The following GALNT14 variants were observed in gnomAD, a reference collection of about 807,000 sequenced individuals.
GALNT14 encodes the protein polypeptide N-acetylgalactosaminyltransferase 14.
GALNT14 carries 60 observed loss-of-function variants against 77.5 expected under a neutral mutation model. The ratio of observed to expected loss-of-function variants is 0.77; its 90% confidence interval spans 0.63 to 0.96. The LOEUF (loss-of-function observed/expected upper bound fraction) is 0.96. Ranked by LOEUF, GALNT14 falls within the 40% of genes least tolerant of loss-of-function variation. GALNT14 has a pLI of 0.00. For synonymous variants in GALNT14, 280 were observed against 281.7 expected (o/e 0.99, Z 0.06); for missense variants, 710 against 731.0 (o/e 0.97, Z 0.33).
In GALNT14 at chr2:31,084,685, C is replaced by T. The variant is rs1009250841; in HGVS notation, c.129+53273G>A. ...TCATTTAACCTCCCTGAACCTCAGTCGCTTCATCTAACCTGGCTCACCCAC... is the reference window on the plus strand; with the variant it reads ...TCATTTAACCTCCCTGAACCTCAGTTGCTTCATCTAACCTGGCTCACCCAC... On this transcript the variant is annotated intron_variant, in intron 1 of 14. Coordinates refer to ENST00000349752, the MANE Select transcript of GALNT14 (RefSeq NM_024572.4). Among the ~76,000 whole-genome samples the T allele has an allele frequency of 3.3e-5, 5 of 152,148 alleles. 1 individual carries two copies. The highest frequency in any genetic ancestry group is 1.2e-4 in the African/African-American group (5 of 41,426).
At chr2:30,926,406 C>T (rs1042638229) in intron 11 of GALNT14, among the ~76,000 whole-genome samples, 3 of 152,054 alleles carry the variant, frequency 2.0e-5, no homozygotes, top group South Asian at 2.1e-4. Context: ...TAGGAGCGAA[C>T]GTCATGAGTT....
At chr2:31,084,871 A>G (rs1225207250) in intron 1 of GALNT14, among the ~76,000 whole-genome samples, 1 of 152,106 alleles carries the variant, frequency 6.6e-6, no homozygotes, top group East Asian at 1.9e-4. Flanking sequence ...CTAAAAATAC[A>G]AAAATTAACC....
At chr2:31,087,355 T>C (rs1676481533) in intron 1 of GALNT14, among the ~76,000 whole-genome samples, 1 of 152,132 alleles carries the variant, frequency 6.6e-6, no homozygotes, top group Admixed American at 6.5e-5. Flanking sequence ...AAGAGGAGGC[T>C]AAAATTCAGA....
the GALNT14 span, among the ~76,000 whole-genome samples, chr2:30,889,679 G>A: frequency 0.62 from 94,424 of 151,932 alleles, 30,313 homozygotes; most frequent in African/African-American, 0.8. Context: ...CAATTTCTGG[G>A]ATTCCTGTAC....
intron 6 of GALNT14, among the ~76,000 whole-genome samples, chr2:30,953,748 G>C (rs1014557326): frequency 6.6e-6 from 1 of 152,198 alleles, no homozygotes; most frequent in African/African-American, 2.4e-5. Flanking sequence ...GCAGGGTATG[G>C]ATACCTTTTA....
At chr2:31,122,161 T>C (rs1363014592) in intron 1 of GALNT14, among the ~76,000 whole-genome samples, 4 of 152,140 alleles carry the variant, frequency 2.6e-5, no homozygotes, top group Admixed American at 2.6e-4. Flanking sequence ...GGCTGTGTGA[T>C]GCCCCTAGGA....
intron 1 of GALNT14, among the ~76,000 whole-genome samples, chr2:31,027,918 G>GTGTGTGTGTGTGTGTGTGCA (rs61690434): frequency 1.1e-3 from 167 of 151,558 alleles, no homozygotes; most frequent in Non-Finnish European, 2.0e-3. Flanking sequence ...GTGTGTGTGT[G>GTGTGTGTGTGTGTGTGTGCA]CACGCATGCA....
chr2:30,988,652 C>T (rs1669470903), intron 2 of GALNT14, among the ~76,000 whole-genome samples: 1 of 152,144 alleles, frequency 6.6e-6, no homozygotes, highest in Admixed American at 6.5e-5. Context: ...ACCAGTCCTA[C>T]CTATGAACTT....
At position 30,938,384 on chromosome 2, in the gene GALNT14, A is replaced by ACT. The variant is rs1553339835; in HGVS notation, c.931+3815_931+3816dup. 1.7e-3 allele frequency among the ~76,000 whole-genome samples: 245 copies of ACT among 141,764 alleles called. 1 individual carries two copies. Among genetic ancestry groups the ACT allele is most frequent in the Middle Eastern group, 7.4e-3 (2 of 270 alleles). The allele number at this position is 141,764 out of a possible 152,430, so 93.0% of individuals were successfully genotyped here. A position where few individuals can be genotyped will look rare whatever the true frequency, so the allele number is the denominator to read the frequency against. On this transcript the variant is annotated intron_variant, in intron 9 of 14. Transcript: ENST00000349752. The stretch of plus-strand genomic sequence containing the variant: ...TACACACACACACACACACACACAC[A>ACT]CTCTCTCTCTCTCTCTCTCTCTCTA...
intron 12 of GALNT14, 88 bp downstream of exon 12, chr2:30,924,652 T>C (rs1665249885): frequency 9.4e-7 from 1 of 1,068,662 alleles, no homozygotes; most frequent in Non-Finnish European, 1.4e-6. Context: ...CCTCATCCAG[T>C]TGGTCATTGT....
At chr2:31,015,898 C>T (rs1170447859) in intron 1 of GALNT14, among the ~76,000 whole-genome samples, 1 of 152,204 alleles carries the variant, frequency 6.6e-6, no homozygotes, top group Non-Finnish European at 1.5e-5. Flanking sequence ...TAACCAGAGC[C>T]ACTGGGATCA....
chr2:31,095,931 T>C (rs937957577), intron 1 of GALNT14, among the ~76,000 whole-genome samples: 7 of 152,170 alleles, frequency 4.6e-5, no homozygotes, highest in African/African-American at 1.7e-4. Context: ...ATATCCAATA[T>C]GGGCCTCCCT....
At chr2:31,067,599 T>C (rs935907996) in intron 1 of GALNT14, among the ~76,000 whole-genome samples, 1 of 152,124 alleles carries the variant, frequency 6.6e-6, no homozygotes, top group Non-Finnish European at 1.5e-5. Context: ...CTGAGGTGGC[T>C]TTCCATGCCT....
chr2:30,963,053 A>G (rs1667788619), intron 3 of GALNT14, among the ~76,000 whole-genome samples: 1 of 151,976 alleles, frequency 6.6e-6, no homozygotes, highest in African/African-American at 2.4e-5. Context: ...TCAGGTCTCC[A>G]TTTTGCTGTT....
chr2:31,013,749 G>A (rs1244330887), intron 1 of GALNT14, among the ~76,000 whole-genome samples: 4 of 152,116 alleles, frequency 2.6e-5, no homozygotes, highest in Non-Finnish European at 5.9e-5. Context: ...CTTTATATAT[G>A]AATTTTGTTC....
chr2:30,995,110 C>T (rs1333777207), intron 1 of GALNT14, among the ~76,000 whole-genome samples: 1 of 139,650 alleles, frequency 7.2e-6, no homozygotes, highest in Non-Finnish European at 1.6e-5. Flanking sequence ...TCAGGGTCCT[C>T]TAGACAAGCA....
At chr2:30,993,960 G>C (rs1669870734) in intron 1 of GALNT14, among the ~76,000 whole-genome samples, 1 of 152,234 alleles carries the variant, frequency 6.6e-6, no homozygotes. Context: ...CTAGCAGGAG[G>C]TGTGGACTTC....
At chr2:31,058,950 T>C (rs1324043910) in intron 1 of GALNT14, among the ~76,000 whole-genome samples, 1 of 152,224 alleles carries the variant, frequency 6.6e-6, no homozygotes, top group Non-Finnish European at 1.5e-5. Context: ...ACCAAAACCC[T>C]GCCCTTCAGT....
chr2:31,111,142 G>A (rs1211742291), intron 1 of GALNT14, among the ~76,000 whole-genome samples: 1 of 152,176 alleles, frequency 6.6e-6, no homozygotes, highest in Admixed American at 6.5e-5. Context: ...CAGCTGTGAA[G>A]CCCCAGCAGA....
Sources: gnomAD v4.1 joint callset for allele counts (sites outside exome capture counted in the v4.1 genomes callset) on GRCh38, gnomAD v4.1.1 for gene constraint, MANE v1.5 for transcripts, NCBI Gene and HGNC (gene_info 2026-07-23, HGNC 2026-07-21) for gene names.